The following TIAM2 variants were observed in gnomAD, a reference collection of about 807,000 sequenced individuals.
TIAM2 encodes the protein TIAM Rac1 associated GEF 2.
Under a neutral mutation model 152.9 loss-of-function variants are expected in TIAM2, and 80 were observed. The observed-to-expected ratio is 0.52, with a 90% CI of 0.44 to 0.63. The LOEUF is 0.63. Ranked by LOEUF, TIAM2 falls within the 30% of genes least tolerant of loss-of-function variation. The pLI, the probability that TIAM2 is intolerant of heterozygous loss-of-function variation, is 0.00. For synonymous variants in TIAM2, 804 were observed against 838.0 expected (o/e 0.96, Z 0.70); for missense variants, 1,965 against 2,120.1 (o/e 0.93, Z 1.44).
chr6:155,065,124 T>G (rs117925661), intron 1 of TIAM2, among the ~76,000 whole-genome samples: 4,946 of 152,158 alleles, frequency 0.033, 112 homozygotes, highest in South Asian at 0.088. Flanking sequence ...CGGCTGATTT[T>G]TGTACTCTTA....
chr6:155,085,714 A>C (rs1341833012), intron 1 of TIAM2, among the ~76,000 whole-genome samples: 1 of 152,226 alleles, frequency 6.6e-6, no homozygotes, highest in Non-Finnish European at 1.5e-5. Flanking sequence ...TGTTCATGTT[A>C]AATTAAAATT....
chr6:155,139,251 G>A (rs1779632451), intron 5 of TIAM2, among the ~76,000 whole-genome samples: 1 of 152,200 alleles, frequency 6.6e-6, no homozygotes, highest in Non-Finnish European at 1.5e-5. Flanking sequence ...TGGAGGGCAG[G>A]CATCATGCCT....
chr6:155,053,854 G>A (rs939424153), intron 1 of TIAM2, among the ~76,000 whole-genome samples: 2 of 152,186 alleles, frequency 1.3e-5, no homozygotes, highest in African/African-American at 4.8e-5. Context: ...CTTGCCTGCT[G>A]GAGGGTTACA....
intron 1 of TIAM2, among the ~76,000 whole-genome samples, chr6:155,020,874 C>T (rs1225124693): frequency 2.0e-5 from 3 of 152,160 alleles, no homozygotes; most frequent in African/African-American, 4.8e-5. Context: ...TTCTGTACCC[C>T]GTTAAACAAT....
chr6:155,079,793 A>C (rs931246474), intron 1 of TIAM2, among the ~76,000 whole-genome samples: 4 of 152,164 alleles, frequency 2.6e-5, no homozygotes, highest in Admixed American at 6.5e-5. Context: ...TTAAAAATAC[A>C]AAAAATCAGC....
chr6:155,112,084 T>C (rs1192999989), intron 2 of TIAM2, among the ~76,000 whole-genome samples: 1 of 151,990 alleles, frequency 6.6e-6, no homozygotes, highest in Non-Finnish European at 1.5e-5. Context: ...GAAGTGCTTT[T>C]CCCAATTGGC....
At chr6:155,074,853 C>CA (rs71023618) in intron 1 of TIAM2, among the ~76,000 whole-genome samples, 8,506 of 35,372 alleles carry the variant, frequency 0.24, 930 homozygotes, top group African/African-American at 0.36. Context: ...GACTCTGTCT[C>CA]AAAAAAAAAA....
rs3081689 is a variant in TIAM2, at chr6:155,015,944, CAAAAAAAAAAAAAAA to C, written c.-209+20467_-209+20481del. Among the ~76,000 whole-genome samples, 3 of 61,840 alleles carry C rather than the reference CAAAAAAAAAAAAAAA, an allele frequency of 4.9e-5. No individual in the cohort carries two copies. In the South Asian group the frequency reaches 3.0e-3, roughly 62 times the overall value. The allele number at this position is 61,840 out of a possible 152,430, so 40.6% of individuals were successfully genotyped here. A position where few individuals can be genotyped will look rare whatever the true frequency, so the allele number is the denominator to read the frequency against. On this transcript the variant is annotated intron_variant, in intron 1 of 26. Coordinates refer to ENST00000682666, the MANE Select transcript of TIAM2 (RefSeq NM_012454.4). ...AGAGCAAGACCCTGTTTCAAAAAACCAAAAAAAAAAAAAAAAAAAAAAAAAAAAACTCCAAACAAA... is the reference window on the plus strand; with the variant it reads ...AGAGCAAGACCCTGTTTCAAAAAACCAAAAAAAAAAAAAACTCCAAACAAA...
intron 1 of TIAM2, among the ~76,000 whole-genome samples, chr6:155,036,286 A>C (rs1192787742): frequency 6.6e-6 from 1 of 152,110 alleles, no homozygotes; most frequent in Non-Finnish European, 1.5e-5. Flanking sequence ...TAATTCCAGC[A>C]CTTTGGGAGG....
At chr6:155,076,491 TA>T (rs1445458319) in intron 1 of TIAM2, among the ~76,000 whole-genome samples, 1 of 152,138 alleles carries the variant, frequency 6.6e-6, no homozygotes, top group Non-Finnish European at 1.5e-5. Context: ...AATTATGGCT[TA>T]GGGGGAAGTA....
rs10694318 is a variant in TIAM2, at chr6:155,094,546, C to CTTTT, written c.-118+4187_-118+4190dup. On this transcript the variant is annotated intron_variant, in intron 2 of 26. Transcript: ENST00000682666. Reference sequence around the variant, plus strand: ...CTCAGTCAGGCCTGCTTCACTCAGACTTTTTTTTTTTTTTTTTTTTTTTGA... The same window carrying CTTTT: ...CTCAGTCAGGCCTGCTTCACTCAGACTTTTTTTTTTTTTTTTTTTTTTTTTTTGA... Among the ~76,000 whole-genome samples the CTTTT allele has an allele frequency of 5.4e-3, 435 of 79,918 alleles. 20 individuals are homozygous for CTTTT. Among genetic ancestry groups the CTTTT allele is most frequent in the Middle Eastern group, 0.011 (1 of 92 alleles). The allele number at this position is 79,918 out of a possible 152,430, so 52.4% of individuals were successfully genotyped here.
intron 14 of TIAM2, among the ~76,000 whole-genome samples, chr6:155,205,182 TAAAAAAAAAAAAAAAAAAAAAAAAAAA>T (rs61272546): frequency 2.5e-5 from 1 of 40,526 alleles, no homozygotes; most frequent in South Asian, 5.4e-4. Flanking sequence ...TATTAATTTC[TAAAAAAAAAAAAAAAAAAAAAAAAAAA>T]AAAAAAAAAA....
chr6:155,208,120 C>A (rs1020536452), intron 14 of TIAM2, among the ~76,000 whole-genome samples: 1 of 152,070 alleles, frequency 6.6e-6, no homozygotes, highest in African/African-American at 2.4e-5. Flanking sequence ...CTGTGAAATC[C>A]CCATCATCAG....
intron 18 of TIAM2, 79 bp downstream of exon 18, chr6:155,244,862 G>A (rs184978676): frequency 6.8e-7 from 1 of 1,469,212 alleles, no homozygotes; most frequent in African/African-American, 1.4e-5. Context: ...TCTCTCATGA[G>A]AAAGAATTTC....
chr6:155,163,878 G>A (rs1044468659), intron 7 of TIAM2, among the ~76,000 whole-genome samples: 7 of 151,974 alleles, frequency 4.6e-5, no homozygotes, highest in African/African-American at 1.4e-4. Context: ...TTTTTGGCAT[G>A]TCACTGTATT....
At chr6:155,148,389 G>A in intron 7 of TIAM2, 55 bp downstream of exon 7, 1 of 1,511,172 alleles carries the variant, frequency 6.6e-7, no homozygotes. Context: ...CTTGTGCAGT[G>A]ACTGAACGCA....
chr6:155,220,348 G>C (rs1302339805), intron 15 of TIAM2, among the ~76,000 whole-genome samples: 5 of 152,198 alleles, frequency 3.3e-5, no homozygotes, highest in Non-Finnish European at 7.3e-5. Flanking sequence ...TATTAAACAT[G>C]GAATACACGT....
At chr6:155,200,469 A>T (rs77621434) in intron 14 of TIAM2, among the ~76,000 whole-genome samples, 1 of 152,352 alleles carries the variant, frequency 6.6e-6, no homozygotes, top group Non-Finnish European at 1.5e-5. Flanking sequence ...AATTGAATAG[A>T]ATTAACATAC....
intron 14 of TIAM2, among the ~76,000 whole-genome samples, chr6:155,205,654 G>C (rs562880659): frequency 1.3e-5 from 2 of 152,302 alleles, no homozygotes; most frequent in East Asian, 3.9e-4. Flanking sequence ...TGAACCATAC[G>C]TAGCTGCCTG....
Sources: gnomAD v4.1 joint callset for allele counts (sites outside exome capture counted in the v4.1 genomes callset) on GRCh38, gnomAD v4.1.1 for gene constraint, MANE v1.5 for transcripts, NCBI Gene and HGNC (gene_info 2026-07-23, HGNC 2026-07-21) for gene names.